KCNJ3: variants seen among roughly 807,000 people sequenced by gnomAD.
KCNJ3 encodes potassium inwardly rectifying channel subfamily J member 3, also known as G protein-activated inward rectifier potassium channel 1.
Under a neutral mutation model 39.2 loss-of-function variants are expected in KCNJ3, and 4 were observed. The ratio of observed to expected loss-of-function variants is 0.10; its 90% CI spans 0.05 to 0.23. The LOEUF is 0.23. Ranked by LOEUF, KCNJ3 falls within the 10% of genes least tolerant of loss-of-function variation. The pLI, the probability that KCNJ3 is intolerant of heterozygous loss-of-function variation, is 1.00. For missense variants in KCNJ3, 276 were observed against 634.9 expected (o/e 0.43, Z 6.08); for synonymous variants, 230 against 237.4 (o/e 0.97, Z 0.29).
At chr2:154,852,325 G>A (rs527789510) in intron 2 of KCNJ3, among the ~76,000 whole-genome samples, 96 of 152,278 alleles carry the variant, frequency 6.3e-4, no homozygotes, top group African/African-American at 2.2e-3. Flanking sequence ...ATCCCAGGGA[G>A]GCTGAGGCTG....
chr2:154,843,756 C>T (rs1049839911), intron 2 of KCNJ3, among the ~76,000 whole-genome samples: 12 of 152,276 alleles, frequency 7.9e-5, no homozygotes, highest in African/African-American at 2.2e-4. Flanking sequence ...GCATGTGTCA[C>T]GAAGTTCTCA....
At chr2:154,798,581 G>T (rs1362514303) in intron 2 of KCNJ3, among the ~76,000 whole-genome samples, 1 of 151,978 alleles carries the variant, frequency 6.6e-6, no homozygotes, top group Non-Finnish European at 1.5e-5. Flanking sequence ...GGGATATATC[G>T]GGATATATCA....
At chr2:154,797,344 A>G (rs1374749101) in intron 2 of KCNJ3, among the ~76,000 whole-genome samples, 1 of 152,206 alleles carries the variant, frequency 6.6e-6, no homozygotes, top group Non-Finnish European at 1.5e-5. Flanking sequence ...ATTTGATACT[A>G]TGATACATGC....
chr2:154,831,542 G>T (rs1163429676), intron 2 of KCNJ3, among the ~76,000 whole-genome samples: 1 of 152,146 alleles, frequency 6.6e-6, no homozygotes, highest in Non-Finnish European at 1.5e-5. Context: ...TGGGGGAGAT[G>T]ATACCAGGTT....
intron 2 of KCNJ3, among the ~76,000 whole-genome samples, chr2:154,809,543 T>A (rs1686972697): frequency 6.6e-6 from 1 of 152,176 alleles, no homozygotes; most frequent in African/African-American, 2.4e-5. Flanking sequence ...AACATTGGAT[T>A]GACAAAGAGT....
intron 2 of KCNJ3, among the ~76,000 whole-genome samples, chr2:154,828,471 A>G (rs2053673): frequency 0.69 from 105,391 of 152,054 alleles, 38,701 homozygotes; most frequent in East Asian, 0.95. Context: ...TACTGAATGG[A>G]GCACAAGTGT....
At chr2:154,735,274 CT>C (rs11315316) in intron 2 of KCNJ3, among the ~76,000 whole-genome samples, 54,974 of 143,134 alleles carry the variant, frequency 0.38, 10,116 homozygotes, top group Non-Finnish European at 0.41. Flanking sequence ...TTCTTTCTTT[CT>C]TTTTTTTTTT....
At chr2:154,845,444 T>C (rs1417990704) in intron 2 of KCNJ3, among the ~76,000 whole-genome samples, 1 of 152,148 alleles carries the variant, frequency 6.6e-6, no homozygotes, top group Non-Finnish European at 1.5e-5. Flanking sequence ...CCGATACCAG[T>C]CTTATGGAGT....
chr2:154,794,930 A>C (rs1686696524), intron 2 of KCNJ3, among the ~76,000 whole-genome samples: 1 of 152,014 alleles, frequency 6.6e-6, no homozygotes, highest in African/African-American at 2.4e-5. Flanking sequence ...TTCTTTTCTA[A>C]TACTCAACAG....
At chr2:154,788,952 C>G (rs944382682) in intron 2 of KCNJ3, among the ~76,000 whole-genome samples, 1 of 151,970 alleles carries the variant, frequency 6.6e-6, no homozygotes, top group African/African-American at 2.4e-5. Flanking sequence ...GCCGTGTTAT[C>G]TGTTCTTGAT....
At chr2:154,799,648 C>T (rs538362935) in intron 2 of KCNJ3, among the ~76,000 whole-genome samples, 71 of 152,296 alleles carry the variant, frequency 4.7e-4, no homozygotes, top group African/African-American at 1.7e-3. Context: ...GTCCCTCTTC[C>T]AATCTACCAT....
rs114251092 is a variant in KCNJ3 at position 154,718,958 on chromosome 2, A to G, written c.919+9139A>G. On this transcript the variant is annotated intron_variant, in intron 2 of 2. Transcript: ENST00000295101. ...AATTTTTAAATGTAAGCACAGGAAA[A>G]TTGTAATTGGGGGACAAGCAGATTT... Among the ~76,000 whole-genome samples, 1,239 of 152,198 alleles carry G rather than the reference A, an allele frequency of 8.1e-3. 12 individuals are homozygous for G. The highest frequency in any genetic ancestry group is 0.028 in the African/African-American group (1,160 of 41,536).
chr2:154,760,307 T>G (rs2961960), intron 2 of KCNJ3, among the ~76,000 whole-genome samples: 2 of 151,590 alleles, frequency 1.3e-5, no homozygotes, highest in Admixed American at 6.6e-5. Context: ...ATTTACTGAC[T>G]TGTAGGAGAT....
At chr2:154,818,846 A>G (rs185752533) in intron 2 of KCNJ3, among the ~76,000 whole-genome samples, 233 of 146,750 alleles carry the variant, frequency 1.6e-3, no homozygotes, top group Non-Finnish European at 1.7e-3. Flanking sequence ...CATTTTGTCC[A>G]TTTTGTTAGA....
At chr2:154,742,303 T>C (rs1045588675) in intron 2 of KCNJ3, among the ~76,000 whole-genome samples, 1 of 151,878 alleles carries the variant, frequency 6.6e-6, no homozygotes, top group African/African-American at 2.4e-5. Context: ...ATTGCTTCCA[T>C]GTTTTAGCTA....
chr2:154,765,240 T>C (rs976681089), intron 2 of KCNJ3, among the ~76,000 whole-genome samples: 29 of 152,204 alleles, frequency 1.9e-4, no homozygotes, highest in African/African-American at 6.5e-4. Flanking sequence ...TAGAGTTTAC[T>C]GCAAATGTTA....
intron 2 of KCNJ3, among the ~76,000 whole-genome samples, chr2:154,813,761 AC>A (rs1381447005): frequency 6.6e-6 from 1 of 152,146 alleles, no homozygotes; most frequent in Admixed American, 6.5e-5. Flanking sequence ...TATAAATGCA[AC>A]CTTTGTGCCC....
At chr2:154,755,567 A>T (rs889122977) in intron 2 of KCNJ3, among the ~76,000 whole-genome samples, 3 of 149,666 alleles carry the variant, frequency 2.0e-5, no homozygotes, top group Non-Finnish European at 4.4e-5. Context: ...TTTGCTTTTT[A>T]TTCCAGCATA....
chr2:154,771,127 G>A (rs921806816), intron 2 of KCNJ3, among the ~76,000 whole-genome samples: 2 of 152,082 alleles, frequency 1.3e-5, no homozygotes, highest in Admixed American at 6.6e-5. Context: ...CTGACCTCAA[G>A]TGATCTGCCC....
Sources: allele counts gnomAD v4.1 joint callset (sites outside exome capture counted in the v4.1 genomes callset), GRCh38; gene constraint gnomAD v4.1.1; transcripts MANE v1.5; gene names NCBI Gene and HGNC (gene_info 2026-07-23, HGNC 2026-07-21).